MCTP1: variants seen among roughly 807,000 people sequenced by gnomAD.
The protein encoded by MCTP1 is multiple C2 and transmembrane domain containing 1.
MCTP1 carries 69 observed loss-of-function variants against 120.6 expected under a neutral mutation model. That is an observed-to-expected ratio of 0.57 (90% CI 0.47 to 0.70). The LOEUF (loss-of-function observed/expected upper bound fraction) is 0.70. MCTP1 is among the 30% of genes least tolerant of loss of function. The probability of loss-of-function intolerance (pLI) is 0.00; values close to 1 mark genes in which losing one functional copy is unlikely to be tolerated. For synonymous variants in MCTP1, 529 were observed against 493.1 expected (o/e 1.07, Z -0.96); for missense variants, 1,203 against 1,248.8 (o/e 0.96, Z 0.55).
chr5:94,927,166 C>T (rs1813351803), intron 6 of MCTP1, among the ~76,000 whole-genome samples: 1 of 152,122 alleles, frequency 6.6e-6, no homozygotes, highest in African/African-American at 2.4e-5. Context: ...TTTTGTGGGG[C>T]TAATGAAATA....
At chr5:95,089,051 A>G (rs531084420) in intron 1 of MCTP1, among the ~76,000 whole-genome samples, 13 of 152,344 alleles carry the variant, frequency 8.5e-5, no homozygotes, top group South Asian at 2.1e-4. Context: ...TTTATGTCAT[A>G]TCATTCCTCT....
chr5:94,868,511 T>C (rs1797238473), intron 16 of MCTP1, 59 bp from the exon 17 acceptor site: 2 of 1,315,130 alleles, frequency 1.5e-6, no homozygotes, highest in African/African-American at 3.0e-5. Flanking sequence ...TCAGATATAC[T>C]GCAAAATTCT....
At chr5:94,844,682 C>A (rs1791917428) in intron 17 of MCTP1, among the ~76,000 whole-genome samples, 1 of 152,146 alleles carries the variant, frequency 6.6e-6, no homozygotes, top group Non-Finnish European at 1.5e-5. Context: ...CAACTGCTGG[C>A]TGTAGGAACA....
At chr5:95,159,131 T>C (rs577485214) in intron 1 of MCTP1, among the ~76,000 whole-genome samples, 1 of 152,320 alleles carries the variant, frequency 6.6e-6, no homozygotes, top group African/African-American at 2.4e-5. Flanking sequence ...TCAAAGTACC[T>C]GATTTTTGTA....
chr5:94,723,987 A>T (rs140115655), intron 19 of MCTP1, among the ~76,000 whole-genome samples: 73 of 152,312 alleles, frequency 4.8e-4, no homozygotes, highest in Non-Finnish European at 8.2e-4. Flanking sequence ...GGATGGAAGA[A>T]GATGAGAAGA....
chr5:94,842,714 G>T (rs1216687787), intron 17 of MCTP1, among the ~76,000 whole-genome samples: 2 of 152,176 alleles, frequency 1.3e-5, no homozygotes, highest in Non-Finnish European at 2.9e-5. Context: ...TACTAATCAT[G>T]ACAGTAGGAT....
chr5:95,280,854 C>T (rs915111297), intron 1 of MCTP1, among the ~76,000 whole-genome samples: 3 of 152,116 alleles, frequency 2.0e-5, no homozygotes, highest in African/African-American at 7.2e-5. Flanking sequence ...AATCTCTTTC[C>T]CCAGCCGTCC....
At chr5:94,818,649 AAG>A (rs1391667670) in intron 17 of MCTP1, among the ~76,000 whole-genome samples, 3 of 152,188 alleles carry the variant, frequency 2.0e-5, no homozygotes, top group African/African-American at 7.2e-5. Flanking sequence ...ACAGTCAGGA[AAG>A]AGAAGAGACT....
intron 19 of MCTP1, among the ~76,000 whole-genome samples, chr5:94,752,231 G>A (rs921874676): frequency 2.7e-5 from 4 of 148,260 alleles, no homozygotes; most frequent in South Asian, 2.1e-4. Context: ...AGGGAAGAGC[G>A]CTTGTAACTG....
intron 1 of MCTP1, among the ~76,000 whole-genome samples, chr5:95,250,691 A>G (rs1757300111): frequency 6.6e-6 from 1 of 152,232 alleles, no homozygotes; most frequent in Admixed American, 6.5e-5. Flanking sequence ...AGTACAATTT[A>G]AACAGAATAA....
chr5:95,163,583 A>C (rs1244556885), intron 1 of MCTP1, among the ~76,000 whole-genome samples: 1 of 152,234 alleles, frequency 6.6e-6, no homozygotes, highest in Non-Finnish European at 1.5e-5. Context: ...CATATTCAAT[A>C]GTATATACAA....
intron 9 of MCTP1, among the ~76,000 whole-genome samples, chr5:94,912,404 C>G (rs929330846): frequency 1.6e-5 from 2 of 125,998 alleles, no homozygotes; most frequent in African/African-American, 6.3e-5. Context: ...CACACTCCAG[C>G]CTGGTGACAG....
Position 95,284,201 on chromosome 5 carries a change from G to A in MCTP1, c.375C>T (p.Ile125=), listed in dbSNP as rs79130718. 2.5e-3 allele frequency: 3,935 copies of A among 1,556,858 alleles called. 69 individuals carry two copies. In the African/African-American group the frequency reaches 0.041, roughly 16 times the overall value. The change falls in exon 1 of 23, where the codon ATC becomes ATT. Residue 125 remains isoleucine, a synonymous_variant. Transcript: ENST00000515393. This position sits in a 1 kb window ranked among gnomAD's most constrained non-coding sequence, Gnocchi z 5.2. ...AEQGSTLRRR[I]REHLLPAVKG... is the part of the protein sequence containing the mutation. ...TTACGGCGGGGAGCAAATGCTCGCG[G>A]ATCCGGCGGCGTAGCGTGGACCCCT...
intron 1 of MCTP1, among the ~76,000 whole-genome samples, chr5:95,082,148 G>A (rs546617192): frequency 1.3e-3 from 194 of 152,234 alleles, no homozygotes; most frequent in African/African-American, 4.5e-3. Flanking sequence ...ATAGATCTTC[G>A]TGCTTTGCTG....
At chr5:95,053,584 G>A (rs1171552259) in intron 1 of MCTP1, among the ~76,000 whole-genome samples, 2 of 152,156 alleles carry the variant, frequency 1.3e-5, no homozygotes, top group Admixed American at 1.3e-4. Context: ...GAGAAGCAAA[G>A]CTCCAATCTA....
chr5:95,105,755 T>C (rs1485558501), intron 1 of MCTP1, among the ~76,000 whole-genome samples: 1 of 152,094 alleles, frequency 6.6e-6, no homozygotes, highest in Non-Finnish European at 1.5e-5. Flanking sequence ...ACAAAACCTG[T>C]GCTAGGAGGT....
At chr5:94,836,131 G>GA (rs1789689329) in intron 17 of MCTP1, among the ~76,000 whole-genome samples, 1 of 117,292 alleles carries the variant, frequency 8.5e-6, no homozygotes, top group Non-Finnish European at 1.6e-5. Context: ...AGTGAGCCAA[G>GA]ATCACACCAC....
chr5:95,118,108 C>A (rs1000847453), intron 1 of MCTP1, among the ~76,000 whole-genome samples: 1 of 152,086 alleles, frequency 6.6e-6, no homozygotes, highest in Non-Finnish European at 1.5e-5. Flanking sequence ...ATAGATGCAC[C>A]AAACCTCCAT....
At chr5:95,033,213 T>C (rs1278899260) in intron 1 of MCTP1, among the ~76,000 whole-genome samples, 1 of 152,080 alleles carries the variant, frequency 6.6e-6, no homozygotes, top group African/African-American at 2.4e-5. Context: ...TATTTCTATC[T>C]AATTCATTCT....
Sources: gnomAD v4.1 joint callset for allele counts (sites outside exome capture counted in the v4.1 genomes callset) on GRCh38, gnomAD v4.1.1 for gene constraint, Gnocchi (gnomAD v3.1) non-coding constraint, MANE v1.5 for transcripts, NCBI Gene and HGNC (gene_info 2026-07-23, HGNC 2026-07-21) for gene names.